Variants in AMTN observed in about 807,000 individuals in gnomAD.
AMTN encodes the protein RSTI689.
AMTN carries 29 observed loss-of-function variants against 27.4 expected under a neutral mutation model. The observed-to-expected ratio is 1.06, with a 90% CI of 0.79 to 1.44. The LOEUF (loss-of-function observed/expected upper bound fraction) is 1.44. AMTN is among the 40% of genes most tolerant of loss of function. The probability of loss-of-function intolerance (pLI) is 0.00; values close to 1 mark genes in which losing one functional copy is unlikely to be tolerated. For missense variants in AMTN, 247 were observed against 248.8 expected (o/e 0.99, Z 0.05); for synonymous variants, 86 against 95.7 (o/e 0.90, Z 0.59).
Position 70,518,798 on chromosome 4 carries a change from G to C in AMTN, c.21G>C (p.Leu7=), listed in dbSNP as rs2109767016. Residue 7 remains leucine (L), a synonymous_variant, in exon 2 of 9, where the codon CTG becomes CTC. Coordinates refer to ENST00000339336, the MANE Select transcript of AMTN (RefSeq NM_212557.4). MRSTIL[L]FCLLGSTRSL... ...GAAACATGAGGAGTACGATTCTACT[G>C]TTTTGTCTTCTAGGATCAACTCGGT... 6.2e-7 allele frequency: 1 copy of C among 1,609,340 alleles called. No individual in the cohort carries two copies. The highest frequency in any genetic ancestry group is 1.1e-5 in the South Asian group (1 of 90,982).
At chr4:70,525,312 T>C (rs1736078730) in intron 5 of AMTN, among the ~76,000 whole-genome samples, 1 of 152,226 alleles carries the variant, frequency 6.6e-6, no homozygotes, top group Non-Finnish European at 1.5e-5. Flanking sequence ...ACTTTCTTGG[T>C]GACCAAGATC....
At chr4:70,527,872 G>C (rs1487710207) in intron 5 of AMTN, among the ~76,000 whole-genome samples, 1 of 152,046 alleles carries the variant, frequency 6.6e-6, no homozygotes, top group Non-Finnish European at 1.5e-5. Context: ...TATTTAGTTT[G>C]TTATCAGTGA....
In AMTN at chr4:70,531,202, C is replaced by G; in HGVS notation, c.521C>G (p.Thr174Ser). The G allele has an allele frequency of 6.2e-7, 1 of 1,614,098 alleles. No individual in the cohort carries two copies. Among genetic ancestry groups the G allele is most frequent in the Non-Finnish European group, 8.5e-7 (1 of 1,180,012 alleles). Residue 174 changes from threonine to serine, a missense_variant, in exon 8 of 9, where the codon ACT becomes AGT. By Grantham distance (58) the Thr-to-Ser change is moderately conservative (BLOSUM62 1). Coordinates refer to ENST00000339336, the MANE Select transcript of AMTN (RefSeq NM_212557.4). The part of the protein sequence containing the change: ...TQGTPAGRLP[T>S]PSGTDDDFAV... Reference sequence around the variant, plus strand: ...GGAACCCCAGCAGGCCGCCTCCCAACTCCCAGTGGCACAGATGACGACTTT... The same window carrying G: ...GGAACCCCAGCAGGCCGCCTCCCAAGTCCCAGTGGCACAGATGACGACTTT...
In AMTN at chr4:70,523,853, T is replaced by C; in HGVS notation, c.139-15T>C. 1.2e-6 allele frequency: 2 copies of C among 1,612,218 alleles called. No individual in the cohort carries two copies. The highest frequency in any genetic ancestry group is 1.7e-6 in the Non-Finnish European group (2 of 1,178,486). ...ACAACCTCTTGTCTCATACATCACTTTCAATCCCCTGCAGGTCTTTCCTTC... is the reference window on the plus strand; with the variant it reads ...ACAACCTCTTGTCTCATACATCACTCTCAATCCCCTGCAGGTCTTTCCTTC... On this transcript the variant is annotated splice_polypyrimidine_tract_variant and intron_variant, in intron 3 of 8. Coordinates refer to ENST00000339336, the MANE Select transcript of AMTN (RefSeq NM_212557.4).
chr4:70,531,190 G>T lies in AMTN; in HGVS notation c.509G>T (p.Gly170Val). Reference protein sequence around the residue: ...VNPATQGTPAGRLPTPSGTDD... With the variant: ...VNPATQGTPAVRLPTPSGTDD... ...CCTGCCACCCAGGGAACCCCAGCAG[G>T]CCGCCTCCCAACTCCCAGTGGCACA... The change falls in exon 8 of 9, where the codon GGC becomes GTC. Residue 170 changes from glycine to valine, a missense_variant. Physicochemically the swap from Gly to Val is moderately radical, Grantham distance 109. Coordinates refer to ENST00000339336, the MANE Select transcript of AMTN (RefSeq NM_212557.4). 1 of 1,613,968 alleles carries T rather than the reference G, an allele frequency of 6.2e-7. No homozygotes were observed.
chr4:70,519,441 C>T (rs542309160), intron 2 of AMTN, among the ~76,000 whole-genome samples: 1 of 152,218 alleles, frequency 6.6e-6, no homozygotes, highest in African/African-American at 2.4e-5. Context: ...GTGGACTTCT[C>T]TTTGACTGTT....
chr4:70,523,717 C>T (rs1276504840), intron 3 of AMTN, 151 bp from the exon 4 acceptor site: 6 of 654,366 alleles, frequency 9.2e-6, no homozygotes, highest in African/African-American at 1.8e-5. Flanking sequence ...GGGAGCAATG[C>T]TAGTGAGAGG....
rs553688474 is a variant in AMTN, at chr4:70,531,370, C to A, written c.619+70C>A. 13 of 1,580,166 alleles carry A rather than the reference C, an allele frequency of 8.2e-6. 1 individual carries two copies. The highest frequency in any genetic ancestry group is 6.9e-5 in the Admixed American group (4 of 57,732). Reference sequence around the variant, plus strand: ...ATCTGCAGAATGGAAAAGAGGAGTTCTTTGTCTTGCCTTGACAAATGCAGA... The same window carrying A: ...ATCTGCAGAATGGAAAAGAGGAGTTATTTGTCTTGCCTTGACAAATGCAGA... On this transcript the variant is annotated intron_variant, in intron 8 of 8. Coordinates refer to ENST00000339336, the MANE Select transcript of AMTN (RefSeq NM_212557.4).
chr4:70,519,697 A>AATTTTTTT (rs962237833), intron 2 of AMTN, among the ~76,000 whole-genome samples: 17 of 62,146 alleles, frequency 2.7e-4, no homozygotes, highest in South Asian at 7.8e-4. Flanking sequence ...TGTAGACATT[A>AATTTTTTT]ATTTTTTTTT....
intron 2 of AMTN, 61 bp downstream of exon 2, chr4:70,518,892 C>G (rs565587216): frequency 7.5e-7 from 1 of 1,330,814 alleles, no homozygotes; most frequent in African/African-American, 1.4e-5. Context: ...TAGCTGCAGA[C>G]CTACCTCTCT....
In AMTN at chr4:70,523,514, G is replaced by A. The variant is rs114735578; in HGVS notation, c.139-354G>A. The stretch of plus-strand genomic sequence containing the variant: ...ACTCAAGTCAAGACCCATTCTCCCC[G>A]CTTAAGGAATCTGAATCTTATACAA... On this transcript the variant is annotated intron_variant, in intron 3 of 8. Transcript: ENST00000339336. Among the ~76,000 whole-genome samples the A allele has an allele frequency of 1.1e-3, 164 of 152,056 alleles. 3 individuals carry two copies. Among genetic ancestry groups the A allele is most frequent in the African/African-American group, 3.4e-3 (142 of 41,472 alleles).
chr4:70,522,636 T>C (rs766211346), intron 2 of AMTN, 119 bp from the exon 3 acceptor site: 7 of 981,478 alleles, frequency 7.1e-6, no homozygotes, highest in African/African-American at 1.6e-5. Flanking sequence ...CAAACTCCTC[T>C]AAAATACACA....
chr4:70,530,274 A>G (rs1214963781), intron 7 of AMTN, among the ~76,000 whole-genome samples: 2 of 152,090 alleles, frequency 1.3e-5, no homozygotes, highest in African/African-American at 4.8e-5. Flanking sequence ...CACCTTTACT[A>G]TATAGAATGC....
chr4:70,532,072 A>G (rs1213686484), intron 8 of AMTN, among the ~76,000 whole-genome samples: 1 of 152,234 alleles, frequency 6.6e-6, no homozygotes, highest in East Asian at 1.9e-4. Context: ...AGAAGCCTAT[A>G]GGAGACACAC....
chr4:70,525,035 T>C lies in AMTN; in HGVS notation c.294+74T>C, dbSNP rs1281436169. On this transcript the variant is annotated intron_variant, in intron 5 of 8. Coordinates refer to ENST00000339336, the MANE Select transcript of AMTN (RefSeq NM_212557.4). ...CTCAGGTGAAAGCCTACAGTAGAAA[T>C]TTTTTAAAGCTTCTTGAAAATTTTG... The C allele has an allele frequency of 4.9e-6, 7 of 1,416,732 alleles. No individual in the cohort carries two copies. The Admixed American group carries it at 1.4e-4, about 29-fold the overall frequency. 87.8% of individuals were successfully genotyped at this position (1,416,732 alleles called of 1,614,324 possible).
At position 70,532,583 on chromosome 4, in the gene AMTN, TTC is replaced by T; in HGVS notation, c.*120_*121del. ...ATTGGATAGTCTTAGAAGAAATTAA[TTC>T]TTAATTTACCTGAAAATATTCTTGA... On this transcript the variant is annotated 3_prime_UTR_variant, in exon 9 of 9. Coordinates refer to ENST00000339336, the MANE Select transcript of AMTN (RefSeq NM_212557.4). 1.1e-6 allele frequency: 1 copy of T among 918,930 alleles called. No homozygotes were observed. Among genetic ancestry groups the T allele is most frequent in the South Asian group, 1.8e-5 (1 of 56,422 alleles). 56.9% of individuals were successfully genotyped at this position (918,930 alleles called of 1,614,324 possible).
chr4:70,528,963 G>A (rs1057365322), intron 6 of AMTN, among the ~76,000 whole-genome samples: 1 of 152,034 alleles, frequency 6.6e-6, no homozygotes, highest in African/African-American at 2.4e-5. Flanking sequence ...CTTTTTGGAT[G>A]GAGATTAACT....
chr4:70,524,955 C>A lies in AMTN; in HGVS notation c.288C>A (p.His96Gln), dbSNP rs767240686. ...LGGLNVQQQL[H>Q]PHVLPIFVTQ... Reference sequence around the variant, plus strand: ...GGTTGAATGTACAACAGCAACTGCACCCACATGTAAGTTGAACAGCTGGAC... The same window carrying A: ...GGTTGAATGTACAACAGCAACTGCAACCACATGTAAGTTGAACAGCTGGAC... Residue 96 changes from histidine (H) to glutamine (Q), a missense_variant, in exon 5 of 9, where the codon CAC becomes CAA. Physicochemically the swap from His to Gln is conservative, Grantham distance 24 (BLOSUM62 0). Transcript: ENST00000339336. 2.5e-6 allele frequency: 4 copies of A among 1,613,744 alleles called. No homozygotes were observed. Among genetic ancestry groups the A allele is most frequent in the Admixed American group, 1.7e-5 (1 of 60,018 alleles).
Position 70,531,254 on chromosome 4 carries a change from A to G in AMTN, c.573A>G (p.Gln191=). 6.2e-7 allele frequency: 1 copy of G among 1,614,010 alleles called. No homozygotes were observed. The highest frequency in any genetic ancestry group is 1.1e-5 in the South Asian group (1 of 91,080). Residue 191 remains glutamine, a synonymous_variant, in exon 8 of 9, where the codon CAA becomes CAG. Coordinates refer to ENST00000339336, the MANE Select transcript of AMTN (RefSeq NM_212557.4). ...CAGTGACCACCCCTGCAGGCATCCA[A>G]AGGAGCACACATGCCATCGAGGAAG... ...DFAVTTPAGI[Q]RSTHAIEEAT... is the part of the protein sequence containing the mutation.
Sources: gnomAD v4.1 joint callset for allele counts (sites outside exome capture counted in the v4.1 genomes callset) on GRCh38, gnomAD v4.1.1 for gene constraint, MANE v1.5 for transcripts, NCBI Gene and HGNC (gene_info 2026-07-23, HGNC 2026-07-21) for gene names.